PCDH15: variants seen among roughly 807,000 people sequenced by gnomAD.
The protein encoded by PCDH15 is protocadherin-15.
In PCDH15, 129 loss-of-function variants were observed where a neutral mutation model predicts 178.5. The ratio of observed to expected loss-of-function variants is 0.72; its 90% CI spans 0.63 to 0.84. PCDH15 has a LOEUF of 0.84. PCDH15 is among the 40% of genes least tolerant of loss of function. The pLI is 0.00. For missense variants in PCDH15, 2,230 were observed against 2,099.9 expected (o/e 1.06, Z -1.21); for synonymous variants, 800 against 732.0 (o/e 1.09, Z -1.50).
intron 18 of PCDH15, among the ~76,000 whole-genome samples, chr10:54,046,274 T>C (rs1472920012): frequency 6.6e-6 from 1 of 152,104 alleles, no homozygotes; most frequent in Non-Finnish European, 1.5e-5. Flanking sequence ...TCCAACAAAA[T>C]TGAATAGACA....
intron 2 of PCDH15, among the ~76,000 whole-genome samples, chr10:55,066,449 G>C (rs2132006033): frequency 6.6e-6 from 1 of 150,600 alleles, no homozygotes; most frequent in South Asian, 2.1e-4. Flanking sequence ...GATATGCAGT[G>C]TTCTCTGTAT....
At chr10:54,488,583 T>C (rs1282709381) in intron 3 of PCDH15, among the ~76,000 whole-genome samples, 2 of 151,928 alleles carry the variant, frequency 1.3e-5, no homozygotes, top group East Asian at 3.9e-4. Context: ...TATGTTAATA[T>C]GGGTAATTTA....
intron 5 of PCDH15, among the ~76,000 whole-genome samples, chr10:54,359,276 AC>A (rs1423313593): frequency 1.3e-5 from 2 of 151,896 alleles, no homozygotes; most frequent in African/African-American, 4.8e-5. Context: ...CTAAAAAAAA[AC>A]AAAAACTAAA....
chr10:54,686,706 A>G (rs1158456734), intron 1 of PCDH15, among the ~76,000 whole-genome samples: 1 of 152,146 alleles, frequency 6.6e-6, no homozygotes. Flanking sequence ...TCAGTTGACT[A>G]TATATACATA....
At chr10:54,249,084 C>A (rs1313703488) in intron 8 of PCDH15, among the ~76,000 whole-genome samples, 1 of 151,838 alleles carries the variant, frequency 6.6e-6, no homozygotes, top group African/African-American at 2.4e-5. Context: ...ACCCTACCAC[C>A]CAATGATTAT....
At chr10:54,524,996 C>T (rs2132612141) in intron 3 of PCDH15, among the ~76,000 whole-genome samples, 1 of 152,248 alleles carries the variant, frequency 6.6e-6, no homozygotes, top group African/African-American at 2.4e-5. Flanking sequence ...CATAATTCTT[C>T]CAAGCATGCA....
chr10:53,855,717 A>G (rs535033206), intron 28 of PCDH15, among the ~76,000 whole-genome samples: 158 of 151,604 alleles, frequency 1.0e-3, no homozygotes, highest in African/African-American at 3.7e-3. Flanking sequence ...AGTGACGATA[A>G]TTGACCTCTG....
chr10:54,333,155 C>G (rs1038503119), intron 6 of PCDH15, among the ~76,000 whole-genome samples: 10 of 151,984 alleles, frequency 6.6e-5, no homozygotes, highest in Non-Finnish European at 1.5e-4. Flanking sequence ...AACATGTTGG[C>G]CAGTCTGGTC....
intron 1 of PCDH15, among the ~76,000 whole-genome samples, chr10:54,748,864 G>T (rs907328736): frequency 3.3e-5 from 5 of 152,182 alleles, no homozygotes; most frequent in African/African-American, 4.8e-5. Context: ...TATTCCAGAT[G>T]AGACAGATAA....
chr10:55,574,514 TGAA>T (rs1348812061), intron 2 of PCDH15, among the ~76,000 whole-genome samples: 1 of 152,004 alleles, frequency 6.6e-6, no homozygotes, highest in Non-Finnish European at 1.5e-5. Flanking sequence ...ATTGGCAACA[TGAA>T]GGATAATGTA....
At chr10:55,561,628 A>T (rs1172911406) in intron 2 of PCDH15, among the ~76,000 whole-genome samples, 1 of 151,920 alleles carries the variant, frequency 6.6e-6, no homozygotes, top group African/African-American at 2.4e-5. Flanking sequence ...TTACATGAAG[A>T]GAGTACCACA....
At chr10:55,327,740 T>A (rs1395147874) in intron 2 of PCDH15, among the ~76,000 whole-genome samples, 4 of 152,070 alleles carry the variant, frequency 2.6e-5, no homozygotes, top group Non-Finnish European at 5.9e-5. Context: ...ATTTAACATA[T>A]GCATGTTAAT....
At chr10:55,487,124 T>C (rs994133295) in intron 2 of PCDH15, among the ~76,000 whole-genome samples, 4 of 151,714 alleles carry the variant, frequency 2.6e-5, no homozygotes, top group African/African-American at 4.8e-5. Flanking sequence ...TATATGATAT[T>C]TATAAGCCAA....
intron 9 of PCDH15, among the ~76,000 whole-genome samples, chr10:54,232,548 T>A (rs2054179891): frequency 6.6e-6 from 1 of 152,234 alleles, no homozygotes; most frequent in Non-Finnish European, 1.5e-5. Flanking sequence ...TTTTGATTAC[T>A]AAGTCAGTCT....
intron 1 of PCDH15, among the ~76,000 whole-genome samples, chr10:55,168,238 C>T (rs1485167362): frequency 1.3e-5 from 2 of 152,046 alleles, no homozygotes; most frequent in East Asian, 1.9e-4. Context: ...CCCCTATCCC[C>T]GACCCCAAGC....
intron 2 of PCDH15, among the ~76,000 whole-genome samples, chr10:55,415,630 G>C (rs1376874621): frequency 6.6e-6 from 1 of 151,508 alleles, no homozygotes; most frequent in Non-Finnish European, 1.5e-5. Context: ...TCATATTAAG[G>C]GTTTGGATAC....
chr10:55,432,185 A>T (rs1307852238), intron 2 of PCDH15, among the ~76,000 whole-genome samples: 2 of 152,104 alleles, frequency 1.3e-5, no homozygotes, highest in Admixed American at 6.6e-5. Flanking sequence ...AGGAATTGGA[A>T]GAAAGTAAAG....
intron 2 of PCDH15, among the ~76,000 whole-genome samples, chr10:55,331,805 G>A (rs766047482): frequency 9.2e-5 from 14 of 151,982 alleles, no homozygotes; most frequent in African/African-American, 2.7e-4. Flanking sequence ...CATTATTAAC[G>A]GGTAACAGGA....
chr10:54,153,036 T>A, intron 14 of PCDH15, 64 bp downstream of exon 14: 1 of 1,575,622 alleles, frequency 6.3e-7, no homozygotes, highest in Non-Finnish European at 8.7e-7. Flanking sequence ...CCGCGCTTCT[T>A]AAATTTAATT....
Sources: allele counts gnomAD v4.1 joint callset (sites outside exome capture counted in the v4.1 genomes callset), GRCh38; gene constraint gnomAD v4.1.1; transcripts MANE v1.5; gene names NCBI Gene and HGNC (gene_info 2026-07-23, HGNC 2026-07-21).